KIAA1549L: variants seen among roughly 807,000 people sequenced by gnomAD.
The protein encoded by KIAA1549L is UPF0606 protein KIAA1549L.
In KIAA1549L, 88 loss-of-function variants were observed where a neutral mutation model predicts 160.7. The ratio of observed to expected loss-of-function variants is 0.55; its 90% CI spans 0.46 to 0.65. The LOEUF (loss-of-function observed/expected upper bound fraction) is 0.65, where lower values mean the gene tolerates loss of function less well. Among genes scored for constraint, KIAA1549L ranks in the 30% least tolerant of loss-of-function variants. KIAA1549L has a pLI of 0.00. For missense variants in KIAA1549L, 2,258 were observed against 2,437.5 expected (o/e 0.93, Z 1.55); for synonymous variants, 950 against 976.7 (o/e 0.97, Z 0.51).
chr11:33,426,398 A>G (rs918521113), intron 1 of KIAA1549L, among the ~76,000 whole-genome samples: 2 of 152,138 alleles, frequency 1.3e-5, no homozygotes, highest in South Asian at 4.2e-4. Context: ...AGAAAGACCA[A>G]TTTTCTGAAG....
At chr11:33,395,308 C>G (rs184640279) in intron 1 of KIAA1549L, among the ~76,000 whole-genome samples, 327 of 152,302 alleles carry the variant, frequency 2.1e-3, no homozygotes, top group African/African-American at 7.6e-3. Context: ...ATAGCTAACA[C>G]TTAATGTTCA....
intron 16 of KIAA1549L, among the ~76,000 whole-genome samples, chr11:33,631,299 C>T (rs570436756): frequency 6.6e-6 from 1 of 152,198 alleles, no homozygotes; most frequent in East Asian, 1.9e-4. Flanking sequence ...CTTCAACCAC[C>T]CCCTTGGCTC....
chr11:33,414,206 T>C (rs942161374), intron 1 of KIAA1549L, among the ~76,000 whole-genome samples: 6 of 152,216 alleles, frequency 3.9e-5, no homozygotes, highest in African/African-American at 1.4e-4. Flanking sequence ...TATAAATCAG[T>C]CCTGCAACAT....
At chr11:33,483,017 C>T (rs1175222552) in intron 1 of KIAA1549L, among the ~76,000 whole-genome samples, 1 of 152,070 alleles carries the variant, frequency 6.6e-6, no homozygotes, top group East Asian at 1.9e-4. Context: ...TCCCTATCTC[C>T]TCCCATTGTT....
intron 1 of KIAA1549L, among the ~76,000 whole-genome samples, chr11:33,462,349 A>G (rs1039220896): frequency 1.3e-5 from 2 of 152,180 alleles, no homozygotes; most frequent in African/African-American, 2.4e-5. Flanking sequence ...GGCTATTTTT[A>G]TATATTAACC....
intron 10 of KIAA1549L, among the ~76,000 whole-genome samples, chr11:33,575,930 TATC>T (rs1855430414): frequency 6.6e-6 from 1 of 152,070 alleles, no homozygotes; most frequent in Non-Finnish European, 1.5e-5. Flanking sequence ...TAAGGAGTAA[TATC>T]ATTGGAACTG....
chr11:33,534,392 C>T (rs1030228818), intron 1 of KIAA1549L, among the ~76,000 whole-genome samples: 10 of 151,940 alleles, frequency 6.6e-5, no homozygotes, highest in Admixed American at 2.0e-4. Flanking sequence ...CGCACCTGGC[C>T]GCTTTCCACA....
chr11:33,560,012 C>G, intron 7 of KIAA1549L, 101 bp downstream of exon 7: 2 of 1,063,504 alleles, frequency 1.9e-6, no homozygotes, highest in Non-Finnish European at 2.8e-6. Context: ...CCACCTTTAT[C>G]ATAAAGTGAC....
chr11:33,572,277 T>C (rs1273673825), intron 9 of KIAA1549L, among the ~76,000 whole-genome samples: 3 of 152,164 alleles, frequency 2.0e-5, no homozygotes, highest in Non-Finnish European at 4.4e-5. Context: ...CTTCAAGTGA[T>C]CTACCCACCT....
At chr11:33,427,362 T>C (rs1851139387) in intron 1 of KIAA1549L, among the ~76,000 whole-genome samples, 1 of 152,104 alleles carries the variant, frequency 6.6e-6, no homozygotes, top group African/African-American at 2.4e-5. Context: ...GGAGACAATA[T>C]CCCCTCTCAG....
chr11:33,548,386 G>A (rs1301316776), intron 4 of KIAA1549L, among the ~76,000 whole-genome samples: 2 of 152,168 alleles, frequency 1.3e-5, no homozygotes, highest in South Asian at 2.1e-4. Context: ...GTGACAGAGC[G>A]AGTCTCTGCC....
At position 33,660,959 on chromosome 11, in the gene KIAA1549L, A is replaced by T. The variant is rs773929578; in HGVS notation, c.6104A>T (p.Gln2035Leu). The T allele has an allele frequency of 1.9e-6, 3 of 1,612,956 alleles. No individual in the cohort carries two copies. Among genetic ancestry groups the T allele is most frequent in the Non-Finnish European group, 2.5e-6 (3 of 1,179,486 alleles). ...ACGCCTCCCTCATCCTATAGGAACC[A>T]GGCCTGGATGTCCTATGCAGGAGAG... The part of the protein sequence containing the change: ...IPTPPSSYRN[Q>L]AWMSYAGENE... Residue 2035 changes from glutamine (Q) to leucine (L), a missense_variant, in exon 20 of 21, where the codon CAG becomes CTG. By Grantham distance (113) the Gln-to-Leu change is moderately radical. This residue lies in a region of KIAA1549L where 1,359 missense variants were observed against 1,546.6 expected (regional missense o/e 0.88). Transcript: ENST00000658780.
intron 1 of KIAA1549L, among the ~76,000 whole-genome samples, chr11:33,384,938 TTTTTTG>T (rs201891128): frequency 3.2e-4 from 39 of 120,722 alleles, no homozygotes; most frequent in African/African-American, 1.2e-3. Flanking sequence ...GTTTTTTTTG[TTTTTTG>T]TTTTTTTTTT....
At chr11:33,435,818 G>GTGTATATATATATATATA (rs1554976830) in intron 1 of KIAA1549L, among the ~76,000 whole-genome samples, 6 of 45,300 alleles carry the variant, frequency 1.3e-4, no homozygotes, top group Non-Finnish European at 2.6e-4. Context: ...ATATGTGTGT[G>GTGTATATATATATATATA]TATATATATA....
intron 18 of KIAA1549L, among the ~76,000 whole-genome samples, chr11:33,658,518 A>G (rs1027431334): frequency 3.3e-5 from 5 of 152,184 alleles, no homozygotes; most frequent in Non-Finnish European, 5.9e-5. Flanking sequence ...TTGAACGTCT[A>G]AAAATGATTT....
intron 1 of KIAA1549L, among the ~76,000 whole-genome samples, chr11:33,468,887 T>C (rs1852116865): frequency 6.6e-6 from 1 of 152,070 alleles, no homozygotes. Flanking sequence ...CATCAACAAA[T>C]AGTTTCAAAA....
intron 16 of KIAA1549L, among the ~76,000 whole-genome samples, chr11:33,632,999 G>A (rs1382371477): frequency 6.6e-6 from 1 of 150,772 alleles, no homozygotes; most frequent in Admixed American, 6.6e-5. Flanking sequence ...TTTTGAGACA[G>A]AGTTTCATTC....
intron 1 of KIAA1549L, among the ~76,000 whole-genome samples, chr11:33,481,722 G>T (rs1852415205): frequency 6.6e-6 from 1 of 152,194 alleles, no homozygotes; most frequent in Non-Finnish European, 1.5e-5. Flanking sequence ...TAAAAAAGAA[G>T]TCTCTGTTAT....
At chr11:33,519,250 T>C (rs759910975) in intron 1 of KIAA1549L, among the ~76,000 whole-genome samples, 3 of 152,230 alleles carry the variant, frequency 2.0e-5, no homozygotes, top group Non-Finnish European at 4.4e-5. Flanking sequence ...AATTATTCAA[T>C]ATTTCAATCC....
Sources: allele counts gnomAD v4.1 joint callset (sites outside exome capture counted in the v4.1 genomes callset), GRCh38; gene constraint gnomAD v4.1.1; regional missense constraint gnomAD v4.1.1; transcripts MANE v1.5; gene names NCBI Gene and HGNC (gene_info 2026-07-23, HGNC 2026-07-21).